The following DMGDH variants were observed in gnomAD, a reference collection of about 807,000 sequenced individuals.
DMGDH encodes dimethylglycine dehydrogenase, also known as dimethylglycine dehydrogenase, mitochondrial.
A neutral mutation model predicts 95.2 loss-of-function variants in DMGDH; 76 were observed. The observed-to-expected ratio is 0.80, with a 90% confidence interval of 0.66 to 0.97. The LOEUF is 0.97. Ranked by LOEUF, DMGDH falls within the 50% of genes least tolerant of loss-of-function variation. The pLI, the probability that DMGDH is intolerant of heterozygous loss-of-function variation, is 0.00. For synonymous variants in DMGDH, 345 were observed against 377.6 expected (o/e 0.91, Z 1.00); for missense variants, 987 against 1,055.0 (o/e 0.94, Z 0.89).
intron 12 of DMGDH, 121 bp downstream of exon 12, chr5:79,028,312 G>A (rs1754055727): frequency 1.2e-6 from 1 of 827,208 alleles, no homozygotes; most frequent in Non-Finnish European, 1.9e-6. Context: ...GTGAGTGTGA[G>A]TGTGCACATG....
chr5:79,030,956 C>G lies in DMGDH; in HGVS notation c.1560G>C (p.Ser520=). The change falls in exon 10 of 16, where the codon TCG becomes TCC. Residue 520 remains serine (S), a synonymous_variant. Transcript: ENST00000255189. The stretch of plus-strand genomic sequence containing the variant: ...CTCTTTGCATAACCTGTTTATACTC[C>G]GAGCCCACAGGCTCAAACCAGTTTG... The part of the protein sequence containing the change: ...RRTNWFEPVG[S]EYKQVMQRVA... The G allele has an allele frequency of 6.2e-7, 1 of 1,614,130 alleles. No individual in the cohort carries two copies. Among genetic ancestry groups the G allele is most frequent in the Non-Finnish European group, 8.5e-7 (1 of 1,180,020 alleles).
intron 4 of DMGDH, among the ~76,000 whole-genome samples, chr5:79,052,344 C>T (rs1382493006): frequency 6.6e-6 from 1 of 152,134 alleles, no homozygotes; most frequent in African/African-American, 2.4e-5. Flanking sequence ...GGCATTCACT[C>T]TTCTATTTTG....
intron 5 of DMGDH, among the ~76,000 whole-genome samples, chr5:79,048,537 CTG>C (rs140482763): frequency 2.1e-3 from 318 of 152,250 alleles, no homozygotes; most frequent in African/African-American, 6.8e-3. Flanking sequence ...CACTGAGAAA[CTG>C]TGGGAAACAT....
intron 11 of DMGDH, 40 bp downstream of exon 11, chr5:79,029,864 T>C (rs751263321): frequency 1.2e-6 from 2 of 1,606,264 alleles, no homozygotes; most frequent in South Asian, 2.2e-5. Flanking sequence ...TGAGTCAATA[T>C]ATAATGTGTA....
At position 79,051,327 on chromosome 5, in the gene DMGDH, T is replaced by C. The variant is rs777786197; in HGVS notation, c.705A>G (p.Pro235=). The C allele has an allele frequency of 3.1e-6, 5 of 1,614,198 alleles. No homozygotes were observed. In the South Asian group the frequency reaches 4.4e-5, roughly 14 times the overall value. ...TTCTATTTGCTCTCATAGACCCCTG[T>C]GGTGTTTCAACGTCCCATGTTCCAT... ...RSDGTWDVET[P]QGSMRANRIV... The change falls in exon 5 of 16, where the codon CCA becomes CCG. Residue 235 remains proline, a synonymous_variant. Transcript: ENST00000255189.
chr5:79,031,127 G>C, intron 9 of DMGDH, 129 bp from the exon 10 acceptor site: 1 of 884,908 alleles, frequency 1.1e-6, no homozygotes, highest in Admixed American at 2.2e-5. Context: ...ACTATGGGAG[G>C]CGAGACCATG....
chr5:79,042,582 G>A (rs1754541832), intron 6 of DMGDH, 101 bp from the exon 7 acceptor site: 2 of 1,137,636 alleles, frequency 1.8e-6, no homozygotes, highest in Non-Finnish European at 2.7e-6. Context: ...AAGATGGCCT[G>A]TTAGGAAAGT....
At chr5:78,998,890 G>A (rs1454523010) in intron 15 of DMGDH, among the ~76,000 whole-genome samples, 1 of 151,882 alleles carries the variant, frequency 6.6e-6, no homozygotes, top group East Asian at 1.9e-4. Flanking sequence ...AAGATAAAAA[G>A]GTTACTGGAA....
chr5:79,051,896 G>C (rs1754876788), intron 4 of DMGDH, among the ~76,000 whole-genome samples: 1 of 152,170 alleles, frequency 6.6e-6, no homozygotes, highest in African/African-American at 2.4e-5. Context: ...TAGGCCTTCA[G>C]GCAAGGTACT....
At chr5:79,048,078 T>G (rs1044215435) in intron 5 of DMGDH, among the ~76,000 whole-genome samples, 1 of 152,214 alleles carries the variant, frequency 6.6e-6, no homozygotes, top group African/African-American at 2.4e-5. Context: ...CATAACCTGA[T>G]GCTAGTGTCT....
intron 15 of DMGDH, among the ~76,000 whole-genome samples, chr5:79,003,774 C>G (rs1241715338): frequency 1.3e-5 from 2 of 152,036 alleles, no homozygotes; most frequent in East Asian, 3.9e-4. Context: ...TGGAGAAACC[C>G]CATCTCTACT....
intron 7 of DMGDH, among the ~76,000 whole-genome samples, chr5:79,039,278 A>C (rs1434389057): frequency 3.5e-4 from 53 of 152,280 alleles, no homozygotes; most frequent in Non-Finnish European, 1.5e-5. Context: ...TTGTGGCACT[A>C]TTCACAATAG....
chr5:79,019,522 T>C (rs1298655177), intron 14 of DMGDH, among the ~76,000 whole-genome samples: 2 of 151,428 alleles, frequency 1.3e-5, no homozygotes, highest in African/African-American at 4.9e-5. Flanking sequence ...CTAGAGAAAA[T>C]CTAATTGATT....
chr5:79,044,247 T>G, intron 6 of DMGDH, 57 bp downstream of exon 6: 4 of 1,611,096 alleles, frequency 2.5e-6, no homozygotes, highest in Non-Finnish European at 3.4e-6. Context: ...CCTCCAGCCA[T>G]GGAGAGGATG....
chr5:79,051,509 G>C lies in DMGDH; in HGVS notation c.541-18C>G, dbSNP rs747411340. The C allele has an allele frequency of 3.8e-6, 6 of 1,599,618 alleles. No homozygotes were observed. The highest frequency in any genetic ancestry group is 5.1e-6 in the Non-Finnish European group (6 of 1,167,372). ...GCTAAAACCTAAATCAATCATACCA[G>C]AGTCAATACTCAAATATATATATAC... On this transcript the variant is annotated intron_variant, in intron 4 of 15. Transcript: ENST00000255189.
chr5:79,063,207 G>A (rs899817700), intron 2 of DMGDH, among the ~76,000 whole-genome samples: 1 of 152,148 alleles, frequency 6.6e-6, no homozygotes, highest in Non-Finnish European at 1.5e-5. Flanking sequence ...GGCTCACCCA[G>A]ACAGTATCCT....
chr5:79,063,207 G>C (rs899817700), intron 2 of DMGDH, among the ~76,000 whole-genome samples: 1 of 152,148 alleles, frequency 6.6e-6, no homozygotes, highest in Non-Finnish European at 1.5e-5. Flanking sequence ...GGCTCACCCA[G>C]ACAGTATCCT....
chr5:79,047,050 G>A (rs1337302803), intron 5 of DMGDH, among the ~76,000 whole-genome samples: 1 of 151,966 alleles, frequency 6.6e-6, no homozygotes, highest in Non-Finnish European at 1.5e-5. Context: ...TATCTATGGG[G>A]CTGGTGTCCT....
intron 14 of DMGDH, among the ~76,000 whole-genome samples, chr5:79,014,148 G>T (rs1023973330): frequency 1.2e-4 from 19 of 152,136 alleles, no homozygotes; most frequent in African/African-American, 4.6e-4. Context: ...CTAAAAAAGG[G>T]GGATAAAATA....
Sources: gnomAD v4.1 joint callset for allele counts (sites outside exome capture counted in the v4.1 genomes callset) on GRCh38, gnomAD v4.1.1 for gene constraint, MANE v1.5 for transcripts, NCBI Gene and HGNC (gene_info 2026-07-23, HGNC 2026-07-21) for gene names.